The following SUPT3H variants were observed in gnomAD, a reference collection of about 807,000 sequenced individuals.
The protein encoded by SUPT3H is transcription initiation protein SPT3 homolog.
SUPT3H carries 44 observed loss-of-function variants against 44.3 expected under a neutral mutation model. That is an observed-to-expected ratio of 0.99 (90% CI 0.78 to 1.28). The LOEUF (loss-of-function observed/expected upper bound fraction) is 1.28. Ranked by LOEUF, SUPT3H falls within the 50% of genes most tolerant of loss-of-function variation. SUPT3H has a pLI of 0.00. For synonymous variants in SUPT3H, 124 were observed against 125.6 expected (o/e 0.99, Z 0.09); for missense variants, 380 against 387.1 (o/e 0.98, Z 0.15).
At chr6:45,368,814 T>C (rs752123854) in intron 1 of SUPT3H, among the ~76,000 whole-genome samples, 3 of 152,134 alleles carry the variant, frequency 2.0e-5, no homozygotes, top group Admixed American at 6.6e-5. Flanking sequence ...TATAAATTAA[T>C]AGAAAACTTT....
chr6:45,291,545 A>G (rs898537784), intron 2 of SUPT3H, among the ~76,000 whole-genome samples: 2 of 152,210 alleles, frequency 1.3e-5, no homozygotes, highest in African/African-American at 4.8e-5. Context: ...AGGAAATCCA[A>G]AAAATATTAC....
At chr6:45,313,393 T>C (rs115936249) in intron 2 of SUPT3H, among the ~76,000 whole-genome samples, 207 of 152,100 alleles carry the variant, frequency 1.4e-3, no homozygotes, top group Non-Finnish European at 2.5e-3. Flanking sequence ...TGATAGACCA[T>C]TTGCAAGATT....
intron 3 of SUPT3H, among the ~76,000 whole-genome samples, chr6:45,053,584 G>A (rs1477215372): frequency 6.6e-6 from 1 of 151,490 alleles, no homozygotes; most frequent in Non-Finnish European, 1.5e-5. Context: ...CATCCCTAAA[G>A]CAGGCTATAA....
intron 10 of SUPT3H, among the ~76,000 whole-genome samples, chr6:44,888,266 G>A (rs1348875484): frequency 3.3e-5 from 5 of 152,160 alleles, no homozygotes; most frequent in African/African-American, 1.2e-4. Context: ...CTCATTTTAT[G>A]AGGCCAGCAT....
chr6:44,847,514 G>A (rs1159985636), intron 10 of SUPT3H, among the ~76,000 whole-genome samples: 2 of 149,508 alleles, frequency 1.3e-5, no homozygotes, highest in African/African-American at 4.9e-5. Context: ...TTGAGACAGA[G>A]TCTTGCTCTG....
intron 3 of SUPT3H, among the ~76,000 whole-genome samples, chr6:45,086,626 C>G (rs963468576): frequency 6.6e-6 from 1 of 151,866 alleles, no homozygotes; most frequent in African/African-American, 2.4e-5. Context: ...TTTAAAAACT[C>G]CCTCCAGCAA....
chr6:45,294,503 T>G (rs569523017), intron 2 of SUPT3H, among the ~76,000 whole-genome samples: 29 of 151,944 alleles, frequency 1.9e-4, no homozygotes, highest in African/African-American at 6.5e-4. Context: ...GAGAAAGAGA[T>G]AAAGGGCATC....
At chr6:44,964,189 T>A (rs979436797) in intron 6 of SUPT3H, among the ~76,000 whole-genome samples, 19 of 152,040 alleles carry the variant, frequency 1.2e-4, no homozygotes, top group African/African-American at 4.3e-4. Context: ...AAATAAGCAA[T>A]AAACATTTGT....
chr6:45,339,536 T>C (rs1417532221), intron 2 of SUPT3H, among the ~76,000 whole-genome samples: 4 of 152,166 alleles, frequency 2.6e-5, no homozygotes, highest in African/African-American at 9.6e-5. Context: ...TGATAGTCAA[T>C]GGTTATGTGT....
chr6:45,371,437 C>G (rs1796062328), intron 1 of SUPT3H, among the ~76,000 whole-genome samples: 1 of 147,208 alleles, frequency 6.8e-6, no homozygotes, highest in Non-Finnish European at 1.5e-5. Flanking sequence ...GACAAGTATT[C>G]TCCCTCTACC....
intron 3 of SUPT3H, among the ~76,000 whole-genome samples, chr6:45,076,859 C>T (rs532452518): frequency 3.9e-5 from 6 of 152,282 alleles, no homozygotes; most frequent in African/African-American, 1.4e-4. Flanking sequence ...CAAATTATTC[C>T]ATGCACAATA....
At chr6:45,167,589 T>A (rs1810094957) in intron 2 of SUPT3H, among the ~76,000 whole-genome samples, 2 of 152,136 alleles carry the variant, frequency 1.3e-5, no homozygotes, top group Non-Finnish European at 2.9e-5. Flanking sequence ...TATCTTTTGA[T>A]CAAACTCAAC....
intron 3 of SUPT3H, among the ~76,000 whole-genome samples, chr6:45,062,729 A>AC (rs1437775977): frequency 6.6e-6 from 1 of 152,126 alleles, no homozygotes; most frequent in East Asian, 1.9e-4. Flanking sequence ...GGTCACTCCC[A>AC]CCCGAATATT....
chr6:45,311,180 AG>A (rs1380591483), intron 2 of SUPT3H, among the ~76,000 whole-genome samples: 39 of 152,332 alleles, frequency 2.6e-4, no homozygotes, highest in African/African-American at 8.7e-4. Context: ...GAAGAAATTG[AG>A]AGCTCAAAGA....
At chr6:44,822,918 G>C (rs945219019), downstream of SUPT3H, among the ~76,000 whole-genome samples, 2 of 151,966 alleles carry the variant, frequency 1.3e-5, no homozygotes, top group African/African-American at 4.8e-5. Flanking sequence ...AGGAGTTCAA[G>C]ACCAGCCTTT....
intron 1 of SUPT3H, among the ~76,000 whole-genome samples, chr6:45,366,405 T>C (rs1180768611): frequency 1.3e-5 from 2 of 152,176 alleles, no homozygotes; most frequent in Non-Finnish European, 2.9e-5. Flanking sequence ...CTTAGGGCTG[T>C]TGTGAGAATT....
At chr6:45,100,335 A>T (rs1346546616) in intron 3 of SUPT3H, among the ~76,000 whole-genome samples, 1 of 152,016 alleles carries the variant, frequency 6.6e-6, no homozygotes, top group African/African-American at 2.4e-5. Context: ...CGGACAAGGG[A>T]TTAATATCCA....
rs746824622 is a variant in SUPT3H at position 45,321,815 on chromosome 6, G to C, written c.101+43386C>G. 1 of 1,606,224 alleles carries C rather than the reference G, an allele frequency of 6.2e-7. No individual in the cohort carries two copies. On this transcript the variant is annotated intron_variant, in intron 2 of 10. Transcript: ENST00000371459. ...ACTTACCTGCCAGAATCATTCAGCA[G>C]TGGAAGGATATTGTGATAACAATAG...
At chr6:44,813,910 T>TAAAG (rs2153403396) in intron 11 of SUPT3H, among the ~76,000 whole-genome samples, 1 of 151,780 alleles carries the variant, frequency 6.6e-6, no homozygotes, top group South Asian at 2.1e-4. Flanking sequence ...CTAGAAGACA[T>TAAAG]AAAGAAATAT....
Sources: gnomAD v4.1 joint callset for allele counts (sites outside exome capture counted in the v4.1 genomes callset) on GRCh38, gnomAD v4.1.1 for gene constraint, MANE v1.5 for transcripts, NCBI Gene and HGNC (gene_info 2026-07-23, HGNC 2026-07-21) for gene names.